Variants in SLA observed in about 807,000 individuals in gnomAD.
SLA encodes the protein Src like adaptor.
A neutral mutation model predicts 30.3 loss-of-function variants in SLA; 16 were observed. That is an observed-to-expected ratio of 0.53 (90% CI 0.36 to 0.80). The LOEUF is 0.80. Ranked by LOEUF, SLA falls within the 30% of genes least tolerant of loss-of-function variation. The pLI is 0.01. For synonymous variants in SLA, 143 were observed against 137.8 expected (o/e 1.04, Z -0.26); for missense variants, 310 against 345.2 (o/e 0.90, Z 0.81).
chr8:133,053,362 C>T (rs1281687722), intron 3 of SLA, among the ~76,000 whole-genome samples: 2 of 152,194 alleles, frequency 1.3e-5, no homozygotes, highest in African/African-American at 4.8e-5. Flanking sequence ...TAGCCTGTGC[C>T]ACACCTGTTT....
intron 2 of SLA, 59 bp downstream of exon 2, chr8:133,074,794 T>G: frequency 1.1e-6 from 1 of 933,858 alleles, no homozygotes; most frequent in Non-Finnish European, 1.3e-6. Context: ...GCCAACTGCG[T>G]GTTGAAGAGG....
At position 133,072,385 on chromosome 8, in the gene SLA, C is replaced by T. The variant is rs575209083; in HGVS notation, c.-41+2468G>A. 5.3e-5 allele frequency among the ~76,000 whole-genome samples: 8 copies of T among 152,064 alleles called. No individual in the cohort carries two copies. The South Asian group carries it at 1.2e-3, about 24-fold the overall frequency. On this transcript the variant is annotated intron_variant, in intron 2 of 8. Transcript: ENST00000338087. ...AGGGAGATTGAGAGAGGGAGGAAGT[C>T]GATCACATGATGTGACCTCAATGGA...
intron 2 of SLA, among the ~76,000 whole-genome samples, chr8:133,062,296 TCTAACAG>T (rs1213108709): frequency 6.6e-6 from 1 of 152,328 alleles, no homozygotes; most frequent in African/African-American, 2.4e-5. Context: ...CTGGGCAGGT[TCTAACAG>T]CAACACCTGC....
chr8:133,052,167 G>A (rs1468255002), intron 3 of SLA, among the ~76,000 whole-genome samples: 1 of 152,228 alleles, frequency 6.6e-6, no homozygotes, highest in African/African-American at 2.4e-5. Flanking sequence ...CAGCCTCCGA[G>A]TCATAAGCCT....
At chr8:133,070,196 G>A (rs186442516) in intron 2 of SLA, among the ~76,000 whole-genome samples, 17 of 152,170 alleles carry the variant, frequency 1.1e-4, no homozygotes, top group Admixed American at 8.5e-4. Flanking sequence ...CTCCCACCAT[G>A]CTGACTTCCA....
chr8:133,100,231 C>A (rs1403381747), intron 1 of SLA, among the ~76,000 whole-genome samples: 2 of 152,164 alleles, frequency 1.3e-5, no homozygotes, highest in African/African-American at 2.4e-5. Flanking sequence ...CTGCCTTACT[C>A]CCTTCAGGGT....
At chr8:133,095,135 T>C (rs1323535588) in intron 1 of SLA, 2 of 1,614,086 alleles carry the variant, frequency 1.2e-6, no homozygotes, top group East Asian at 2.2e-5. Flanking sequence ...AGTTGCCCCA[T>C]GTCATCCAGC....
Position 133,040,001 on chromosome 8 carries a change from G to A in SLA, c.614C>T (p.Ser205Phe). ...RQKTVDWRRV[S>F]RLQEDPEGTE... ...CACATACACACACCATACTCACCTG[G>A]ACACTCTCCTCCAGTCCACAGTCTT... Residue 205 changes from serine (S) to phenylalanine (F), a missense_variant, in exon 8 of 9, where the codon TCC becomes TTC. Transcript: ENST00000338087. 1 of 1,550,114 alleles carries A rather than the reference G, an allele frequency of 6.5e-7. No individual in the cohort carries two copies. The highest frequency in any genetic ancestry group is 8.7e-7 in the Non-Finnish European group (1 of 1,146,772).
At chr8:133,053,905 A>C (rs2739182) in intron 3 of SLA, among the ~76,000 whole-genome samples, 9 of 152,070 alleles carry the variant, frequency 5.9e-5, no homozygotes, top group South Asian at 2.1e-4. Context: ...GCTTTTGCTT[A>C]AGGGTCAGAT....
chr8:133,083,470 C>T (rs1846046843), intron 1 of SLA, among the ~76,000 whole-genome samples: 1 of 152,134 alleles, frequency 6.6e-6, no homozygotes, highest in Admixed American at 6.5e-5. Context: ...AATAGTTTTC[C>T]TAAGAACACA....
At chr8:133,053,446 C>CTG (rs1473397471) in intron 3 of SLA, among the ~76,000 whole-genome samples, 5 of 152,322 alleles carry the variant, frequency 3.3e-5, no homozygotes, top group Middle Eastern at 3.4e-3. Flanking sequence ...TTAAATACAG[C>CTG]TGTCAAGCTA....
chr8:133,067,346 C>T (rs2739143), intron 2 of SLA, among the ~76,000 whole-genome samples: 58,914 of 151,884 alleles, frequency 0.39, 11,947 homozygotes, highest in Non-Finnish European at 0.46. Flanking sequence ...AGGAGGGCTG[C>T]GGCATACCAG....
chr8:133,053,964 C>T (rs2896691), intron 3 of SLA, among the ~76,000 whole-genome samples: 6,258 of 152,168 alleles, frequency 0.041, 322 homozygotes, highest in African/African-American at 0.12. Context: ...TTTATCATCA[C>T]CATTAGCCAA....
intron 1 of SLA, among the ~76,000 whole-genome samples, chr8:133,078,057 G>A (rs2131501882): frequency 6.6e-6 from 1 of 152,278 alleles, no homozygotes; most frequent in East Asian, 1.9e-4. Flanking sequence ...GCTTTTGTGT[G>A]GACTCAGCTC....
intron 1 of SLA, among the ~76,000 whole-genome samples, chr8:133,090,356 C>G (rs1236058981): frequency 6.6e-6 from 1 of 152,168 alleles, no homozygotes; most frequent in Non-Finnish European, 1.5e-5. Context: ...GAGAATTTCT[C>G]CCTGAAAAGA....
chr8:133,081,481 T>C (rs1390291490), intron 1 of SLA, among the ~76,000 whole-genome samples: 2 of 152,150 alleles, frequency 1.3e-5, no homozygotes, highest in East Asian at 3.8e-4. Context: ...GGATCAGCGG[T>C]CCATCTGGAT....
chr8:133,100,922 G>A (rs553375439), intron 1 of SLA, among the ~76,000 whole-genome samples: 1 of 152,186 alleles, frequency 6.6e-6, no homozygotes, highest in African/African-American at 2.4e-5. Flanking sequence ...TCAACTGTAT[G>A]GCTGTGAGGT....
At chr8:133,062,421 G>A (rs148667017) in intron 2 of SLA, among the ~76,000 whole-genome samples, 69 of 152,352 alleles carry the variant, frequency 4.5e-4, no homozygotes, top group Admixed American at 7.8e-4. Flanking sequence ...AGCAGGTGGC[G>A]TGACTCCAAC....
chr8:133,075,091 T>G lies in SLA; in HGVS notation c.-279A>C, dbSNP rs1844659897. 1.0e-6 allele frequency: 1 copy of G among 985,270 alleles called. No homozygotes were observed. The highest frequency in any genetic ancestry group is 1.7e-5 in the African/African-American group (1 of 57,232). The allele number at this position is 985,270 out of a possible 1,614,324, so 61.0% of individuals were successfully genotyped here. ...GGGCTTGCAGAAGGGCAGGTTCCTG[T>G]TTTCAGTAACCACTCTGAGCAAGCT... On this transcript the variant is annotated 5_prime_UTR_variant, in exon 2 of 9. Coordinates refer to ENST00000338087, the MANE Select transcript of SLA (RefSeq NM_001045556.3).
Sources: allele counts gnomAD v4.1 joint callset (sites outside exome capture counted in the v4.1 genomes callset), GRCh38; gene constraint gnomAD v4.1.1; transcripts MANE v1.5; gene names NCBI Gene and HGNC (gene_info 2026-07-23, HGNC 2026-07-21).